Variants in ERBB4 observed in about 807,000 individuals in gnomAD.
The protein encoded by ERBB4 is erb-b2 receptor tyrosine kinase 4.
In ERBB4, 42 loss-of-function variants were observed where a neutral mutation model predicts 158.0. That is an observed-to-expected ratio of 0.27 (90% CI 0.21 to 0.34). The LOEUF (loss-of-function observed/expected upper bound fraction) is 0.34. Among genes scored for constraint, ERBB4 ranks in the 10% least tolerant of loss-of-function variants. ERBB4 has a pLI of 1.00. For missense variants in ERBB4, 1,333 were observed against 1,624.1 expected, an observed-to-expected ratio of 0.82 and a Z score of 3.08; for synonymous variants, 583 against 558.7, an observed-to-expected ratio of 1.04 and a Z score of -0.61.
At chr2:212,266,544 A>G (rs904676604) in intron 1 of ERBB4, among the ~76,000 whole-genome samples, 24 of 151,948 alleles carry the variant, frequency 1.6e-4, no homozygotes, top group African/African-American at 5.8e-4. Flanking sequence ...CTCATCTTTC[A>G]CTACTGCTGC....
At chr2:212,109,325 C>G (rs1376868268) in intron 2 of ERBB4, among the ~76,000 whole-genome samples, 1 of 152,068 alleles carries the variant, frequency 6.6e-6, no homozygotes. Context: ...TATTTTAAGC[C>G]AAAATCTGCC....
chr2:212,008,760 TC>T (rs910338918), intron 2 of ERBB4, among the ~76,000 whole-genome samples: 28 of 152,254 alleles, frequency 1.8e-4, no homozygotes, highest in African/African-American at 6.7e-4. Context: ...GCTTTGAAGT[TC>T]AAGAGTGTGA....
At chr2:212,513,293 G>A (rs1044562470) in intron 1 of ERBB4, among the ~76,000 whole-genome samples, 1 of 151,964 alleles carries the variant, frequency 6.6e-6, no homozygotes, top group African/African-American at 2.4e-5. Context: ...ACTCTAAAAT[G>A]GAATACTAAA....
chr2:212,459,744 C>A (rs568448437), intron 1 of ERBB4, among the ~76,000 whole-genome samples: 1 of 152,120 alleles, frequency 6.6e-6, no homozygotes, highest in Non-Finnish European at 1.5e-5. Flanking sequence ...AAAACAGACA[C>A]GTAACCCAAT....
intron 2 of ERBB4, among the ~76,000 whole-genome samples, chr2:212,070,938 A>G (rs1387788397): frequency 6.6e-6 from 1 of 151,814 alleles, no homozygotes; most frequent in African/African-American, 2.4e-5. Flanking sequence ...TTTCATTCTT[A>G]TTATGTTTTA....
intron 3 of ERBB4, among the ~76,000 whole-genome samples, chr2:211,877,762 T>C (rs1341033184): frequency 1.3e-5 from 2 of 152,230 alleles, no homozygotes; most frequent in Admixed American, 1.3e-4. Flanking sequence ...AAATAATAGA[T>C]AATATTTTTA....
chr2:211,961,869 T>C (rs946097403), intron 2 of ERBB4, among the ~76,000 whole-genome samples: 3 of 152,156 alleles, frequency 2.0e-5, no homozygotes, highest in Non-Finnish European at 2.9e-5. Flanking sequence ...TCACATGTCT[T>C]AAAGGAAATT....
At chr2:211,973,779 T>C (rs1320626154) in intron 2 of ERBB4, among the ~76,000 whole-genome samples, 1 of 152,164 alleles carries the variant, frequency 6.6e-6, no homozygotes, top group East Asian at 1.9e-4. Flanking sequence ...AGCACATGCA[T>C]GTGTATGTTC....
chr2:211,398,554 G>T (rs2062968642), intron 25 of ERBB4, among the ~76,000 whole-genome samples: 1 of 152,080 alleles, frequency 6.6e-6, no homozygotes, highest in Admixed American at 6.6e-5. Context: ...TTTAAAAATT[G>T]CAAGACCTCT....
At chr2:212,271,372 A>G (rs1051653509) in intron 1 of ERBB4, among the ~76,000 whole-genome samples, 3 of 151,728 alleles carry the variant, frequency 2.0e-5, no homozygotes, top group Admixed American at 1.3e-4. Context: ...GTATTTTTTC[A>G]TATGTGGTAT....
At chr2:212,074,687 A>C (rs1469555063) in intron 2 of ERBB4, among the ~76,000 whole-genome samples, 8 of 151,956 alleles carry the variant, frequency 5.3e-5, no homozygotes, top group Non-Finnish European at 1.0e-4. Context: ...TAGATTTGGA[A>C]GGGATATTTA....
At chr2:211,728,790 A>G (rs1175700075) in intron 5 of ERBB4, among the ~76,000 whole-genome samples, 1 of 151,808 alleles carries the variant, frequency 6.6e-6, no homozygotes, top group East Asian at 1.9e-4. Context: ...GTTACTTTTT[A>G]TTTTTAACTC....
chr2:211,394,563 G>T (rs1442486634), intron 25 of ERBB4, among the ~76,000 whole-genome samples: 2 of 152,094 alleles, frequency 1.3e-5, no homozygotes, highest in Admixed American at 1.3e-4. Context: ...GTTAGAGAGG[G>T]TAGGCTCTTT....
intron 20 of ERBB4, among the ~76,000 whole-genome samples, chr2:211,508,075 C>T (rs1342489359): frequency 1.3e-5 from 2 of 152,036 alleles, no homozygotes; most frequent in African/African-American, 4.8e-5. Context: ...TAGGCATGGG[C>T]AAAGACTTCA....
At chr2:211,860,957 T>TATA (rs1428290580) in intron 3 of ERBB4, among the ~76,000 whole-genome samples, 7 of 75,626 alleles carry the variant, frequency 9.3e-5, no homozygotes, top group African/African-American at 3.4e-4. Context: ...TATATATATA[T>TATA]AAATATATAA....
chr2:211,403,123 G>C (rs1288196766), intron 25 of ERBB4, among the ~76,000 whole-genome samples: 1 of 151,880 alleles, frequency 6.6e-6, no homozygotes, highest in East Asian at 1.9e-4. Context: ...TTAGTGTCTG[G>C]CTCCACAAAA....
At chr2:211,472,708 G>A (rs1370623684) in intron 20 of ERBB4, among the ~76,000 whole-genome samples, 1 of 151,842 alleles carries the variant, frequency 6.6e-6, no homozygotes, top group Non-Finnish European at 1.5e-5. Context: ...ACCTCCTCCT[G>A]TATGTACTCC....
chr2:211,948,656 A>AT lies in ERBB4; in HGVS notation c.235-1041dup, dbSNP rs200281729. ...AAAATGATGATAAATAGTTGTCAGA[A>AT]TTTAAAAAAAACTAAAAATGATAAA... On this transcript the variant is annotated intron_variant, in intron 2 of 27. Transcript: ENST00000342788. Among the ~76,000 whole-genome samples, 635 of 152,042 alleles carry AT rather than the reference A, an allele frequency of 4.2e-3. 7 individuals are homozygous for AT. The highest frequency in any genetic ancestry group is 0.032 in the Admixed American group (486 of 15,246).
At chr2:211,569,375 T>TCA (rs1345954900) in intron 19 of ERBB4, among the ~76,000 whole-genome samples, 3 of 152,234 alleles carry the variant, frequency 2.0e-5, no homozygotes, top group African/African-American at 7.2e-5. Flanking sequence ...ATTGAGAACT[T>TCA]GCTAGGTGCC....
Sources: allele counts gnomAD v4.1 joint callset (sites outside exome capture counted in the v4.1 genomes callset), GRCh38; gene constraint gnomAD v4.1.1; transcripts MANE v1.5; gene names NCBI Gene and HGNC (gene_info 2026-07-23, HGNC 2026-07-21).